The following PXDNL variants were observed in gnomAD, a reference collection of about 807,000 sequenced individuals.
PXDNL encodes probable oxidoreductase PXDNL.
Under a neutral mutation model 150.8 loss-of-function variants are expected in PXDNL, and 145 were observed. The observed-to-expected ratio is 0.96, with a 90% CI of 0.84 to 1.10. The LOEUF (loss-of-function observed/expected upper bound fraction) is 1.10, where lower values mean the gene tolerates loss of function less well. Ranked by LOEUF, PXDNL falls within the 50% of genes least tolerant of loss-of-function variation. The pLI is 0.00. For missense variants in PXDNL, 2,087 were observed against 1,873.9 expected, an observed-to-expected ratio of 1.11 and a Z score of -2.10; for synonymous variants, 757 against 725.7, an observed-to-expected ratio of 1.04 and a Z score of -0.69.
At chr8:51,525,943 C>T (rs750816729) in intron 4 of PXDNL, among the ~76,000 whole-genome samples, 11 of 152,200 alleles carry the variant, frequency 7.2e-5, no homozygotes, top group Admixed American at 1.3e-4. Flanking sequence ...CAGAATACTG[C>T]GCTGTGTGTC....
intron 19 of PXDNL, among the ~76,000 whole-genome samples, chr8:51,369,073 A>AT (rs1807012560): frequency 6.6e-6 from 1 of 152,218 alleles, no homozygotes; most frequent in African/African-American, 2.4e-5. Flanking sequence ...TGAGATTAGC[A>AT]AAGGAGAGGG....
chr8:51,577,999 GAGGAAGGAAGGAAGGAAGGA>G (rs200324232), intron 3 of PXDNL, among the ~76,000 whole-genome samples: 325 of 31,504 alleles, frequency 0.01, 12 homozygotes, highest in African/African-American at 0.036. Context: ...AAGAAAGAAA[GAGGAAGGAAGGAAGGAAGGA>G]AGGAAGGAAG....
intron 1 of PXDNL, among the ~76,000 whole-genome samples, chr8:51,803,352 C>T (rs2037641208): frequency 6.6e-6 from 1 of 152,202 alleles, no homozygotes; most frequent in Admixed American, 6.5e-5. Flanking sequence ...CCTCTTCCCA[C>T]ACTACTCTCA....
chr8:51,578,025 G>A (rs1401840992), intron 3 of PXDNL, among the ~76,000 whole-genome samples: 7 of 115,526 alleles, frequency 6.1e-5, no homozygotes, highest in African/African-American at 2.7e-4. Context: ...AAGGAAGGAA[G>A]GAAGGAAGGA....
intron 1 of PXDNL, among the ~76,000 whole-genome samples, chr8:51,705,741 G>A (rs532651850): frequency 1.3e-5 from 2 of 152,270 alleles, no homozygotes; most frequent in Admixed American, 1.3e-4. Flanking sequence ...TTTAATGTCA[G>A]CTACAGCATT....
intron 1 of PXDNL, among the ~76,000 whole-genome samples, chr8:51,697,487 G>T (rs1816172902): frequency 6.6e-6 from 1 of 152,120 alleles, no homozygotes; most frequent in Non-Finnish European, 1.5e-5. Flanking sequence ...CCTGAACCCT[G>T]CAGGCCAGGC....
intron 12 of PXDNL, among the ~76,000 whole-genome samples, chr8:51,437,599 A>G (rs1809438297): frequency 6.6e-6 from 1 of 152,202 alleles, no homozygotes; most frequent in South Asian, 2.1e-4. Flanking sequence ...ACATGATCAT[A>G]TCAATAGATG....
chr8:51,753,094 A>G (rs1314349497), intron 1 of PXDNL, among the ~76,000 whole-genome samples: 1 of 152,226 alleles, frequency 6.6e-6, no homozygotes, highest in African/African-American at 2.4e-5. Flanking sequence ...ATGGAATAGC[A>G]CAATTATTAT....
chr8:51,739,144 T>G (rs2036874371), intron 1 of PXDNL, among the ~76,000 whole-genome samples: 1 of 151,086 alleles, frequency 6.6e-6, no homozygotes, highest in South Asian at 2.1e-4. Context: ...AAGAAAAAAA[T>G]ATATAATCTT....
intron 1 of PXDNL, among the ~76,000 whole-genome samples, chr8:51,709,533 G>A (rs28472575): frequency 0.011 from 1,601 of 152,184 alleles, 25 homozygotes; most frequent in African/African-American, 0.032. Flanking sequence ...GATTACAGGC[G>A]TAAGCCACCA....
chr8:51,673,866 A>G (rs1815552879), intron 1 of PXDNL, among the ~76,000 whole-genome samples: 1 of 152,182 alleles, frequency 6.6e-6, no homozygotes, highest in South Asian at 2.1e-4. Flanking sequence ...TCATGTGGGC[A>G]TAACTTTTTT....
intron 19 of PXDNL, among the ~76,000 whole-genome samples, chr8:51,369,124 G>A (rs1807014716): frequency 1.3e-5 from 2 of 152,182 alleles, no homozygotes; most frequent in African/African-American, 2.4e-5. Context: ...ACACAACAAA[G>A]ACAAGTGTAC....
At chr8:51,376,865 C>T (rs1417134292) in intron 17 of PXDNL, among the ~76,000 whole-genome samples, 1 of 151,852 alleles carries the variant, frequency 6.6e-6, no homozygotes, top group Non-Finnish European at 1.5e-5. Context: ...ACTACAGGCG[C>T]CCGCCACAAT....
At chr8:51,474,223 C>A (rs1306452256) in intron 7 of PXDNL, among the ~76,000 whole-genome samples, 1 of 152,056 alleles carries the variant, frequency 6.6e-6, no homozygotes. Context: ...ATCTCCAAGA[C>A]ACGAATTATC....
Position 51,514,928 on chromosome 8 carries a change from C to T in PXDNL, c.381-15158G>A, listed in dbSNP as rs556521042. ...CAAAATTCCCATTTCATAACATACA[C>T]ATTGGAGAAACATACTTGGAGAAAC... On this transcript the variant is annotated intron_variant, in intron 4 of 22. Transcript: ENST00000356297. 2.6e-5 allele frequency among the ~76,000 whole-genome samples: 4 copies of T among 152,336 alleles called. 1 individual carries two copies. Among genetic ancestry groups the T allele is most frequent in the African/African-American group, 7.2e-5 (3 of 41,570 alleles).
At chr8:51,632,529 G>C (rs1279596138) in intron 2 of PXDNL, among the ~76,000 whole-genome samples, 2 of 152,180 alleles carry the variant, frequency 1.3e-5, no homozygotes, top group African/African-American at 4.8e-5. Context: ...TGTGAGCCAA[G>C]AGTTCAAGGC....
intron 3 of PXDNL, among the ~76,000 whole-genome samples, chr8:51,571,647 A>G (rs1440727568): frequency 3.3e-5 from 5 of 151,914 alleles, no homozygotes; most frequent in African/African-American, 2.4e-5. Context: ...ATGATAATTT[A>G]AACTTTGCTT....
At chr8:51,445,466 A>G (rs1033810140) in intron 12 of PXDNL, among the ~76,000 whole-genome samples, 6 of 152,208 alleles carry the variant, frequency 3.9e-5, no homozygotes, top group African/African-American at 9.6e-5. Flanking sequence ...ACGGATATGT[A>G]GTAGATTTAT....
intron 7 of PXDNL, among the ~76,000 whole-genome samples, chr8:51,474,226 G>A (rs576740368): frequency 2.6e-5 from 4 of 151,958 alleles, no homozygotes; most frequent in South Asian, 2.1e-4. Flanking sequence ...TCCAAGACAC[G>A]AATTATCACA....
Sources: gnomAD v4.1 joint callset for allele counts (sites outside exome capture counted in the v4.1 genomes callset) on GRCh38, gnomAD v4.1.1 for gene constraint, MANE v1.5 for transcripts, NCBI Gene and HGNC (gene_info 2026-07-23, HGNC 2026-07-21) for gene names.